The following STXBP5L variants were observed in gnomAD, a reference collection of about 807,000 sequenced individuals.
The protein encoded by STXBP5L is syntaxin-binding protein 5-like.
Under a neutral mutation model 144.5 loss-of-function variants are expected in STXBP5L, and 65 were observed. That is an observed-to-expected ratio of 0.45 (90% confidence interval 0.37 to 0.55). The LOEUF (loss-of-function observed/expected upper bound fraction) is 0.55, where lower values mean the gene tolerates loss of function less well. Ranked by LOEUF, STXBP5L falls within the 20% of genes least tolerant of loss-of-function variation. The pLI is 0.00. For synonymous variants in STXBP5L, 505 were observed against 469.6 expected, an observed-to-expected ratio of 1.08 and a Z score of -0.97; for missense variants, 1,298 against 1,405.5, an observed-to-expected ratio of 0.92 and a Z score of 1.22.
chr3:121,050,126 C>CTA (rs1947848696), intron 5 of STXBP5L, among the ~76,000 whole-genome samples: 1 of 152,140 alleles, frequency 6.6e-6, no homozygotes, highest in Non-Finnish European at 1.5e-5. Flanking sequence ...CCCCATGTTT[C>CTA]CACCTGGATG....
rs138957791 is a variant in STXBP5L, at chr3:121,088,044, C to T, written c.471-26881C>T. Among the ~76,000 whole-genome samples, 322 of 152,146 alleles carry T rather than the reference C, an allele frequency of 2.1e-3. 1 individual carries two copies. Among genetic ancestry groups the T allele is most frequent in the Non-Finnish European group, 4.0e-3 (273 of 67,994 alleles). On this transcript the variant is annotated intron_variant, in intron 5 of 26. Transcript: ENST00000471454. ...ACTATGTTATTTCAGCTTTAACCAT[C>T]AAATATAATTTAGAAGCTCCGGCAA...
rs1292490059 is a variant in STXBP5L at position 121,254,955 on chromosome 3, G to C, written c.1502G>C (p.Gly501Ala). The C allele has an allele frequency of 6.2e-7, 1 of 1,613,530 alleles. No individual in the cohort carries two copies. Among genetic ancestry groups the C allele is most frequent in the East Asian group, 2.2e-5 (1 of 44,736 alleles). ...AAAGTGTTTGAAAAACAGAAGGTAG[G>C]AGAAGGAAAACAAACATGTGAAATT... ...TSKVFEKQKV[G>A]EGKQTCEIVE... Residue 501 changes from glycine (G) to alanine (A), a missense_variant, in exon 16 of 27, where the codon GGA becomes GCA. By Grantham distance (60) the Gly-to-Ala change is moderately conservative. Transcript: ENST00000471454.
intron 19 of STXBP5L, among the ~76,000 whole-genome samples, chr3:121,311,657 G>T (rs1169553086): frequency 6.6e-6 from 1 of 152,100 alleles, no homozygotes; most frequent in Admixed American, 6.5e-5. Flanking sequence ...ACCTCTTCAA[G>T]GAGAACTACA....
At chr3:121,389,351 A>AT (rs1256203756) in intron 22 of STXBP5L, among the ~76,000 whole-genome samples, 1 of 151,988 alleles carries the variant, frequency 6.6e-6, no homozygotes, top group Non-Finnish European at 1.5e-5. Flanking sequence ...GGATTCATTG[A>AT]TTTTTTGAAA....
chr3:121,358,728 T>C (rs2045610750), intron 20 of STXBP5L, among the ~76,000 whole-genome samples: 2 of 152,204 alleles, frequency 1.3e-5, no homozygotes, highest in African/African-American at 4.8e-5. Context: ...ATCGCACAAA[T>C]AAGTGAGAAT....
At chr3:121,302,218 A>C (rs543223252) in intron 19 of STXBP5L, among the ~76,000 whole-genome samples, 1 of 152,270 alleles carries the variant, frequency 6.6e-6, no homozygotes, top group African/African-American at 2.4e-5. Context: ...CCTCAATTTC[A>C]GAGCCTGTTA....
intron 3 of STXBP5L, among the ~76,000 whole-genome samples, chr3:121,024,471 T>G (rs561004603): frequency 6.6e-6 from 1 of 152,264 alleles, no homozygotes; most frequent in South Asian, 2.1e-4. Context: ...GTGTTTGAAA[T>G]TCAAATACCT....
intron 18 of STXBP5L, among the ~76,000 whole-genome samples, chr3:121,263,762 C>T (rs745305760): frequency 5.3e-4 from 80 of 151,802 alleles, no homozygotes; most frequent in Non-Finnish European, 8.7e-4. Context: ...AGGATTAGAG[C>T]AAAAAGAATG....
At chr3:121,318,562 C>A in intron 20 of STXBP5L, 22 bp downstream of exon 20, 2 of 1,501,256 alleles carry the variant, frequency 1.3e-6, no homozygotes, top group Non-Finnish European at 1.8e-6. Context: ...TGGTATTTTG[C>A]AGACTTCTGG....
At chr3:121,230,790 C>T (rs889732855) in intron 11 of STXBP5L, among the ~76,000 whole-genome samples, 2 of 152,158 alleles carry the variant, frequency 1.3e-5, no homozygotes, top group African/African-American at 2.4e-5. Flanking sequence ...ATTCAAACTT[C>T]GTCACTGTTA....
In STXBP5L at chr3:121,198,420, C is replaced by G. The variant is rs558414500; in HGVS notation, c.878-7503C>G. On this transcript the variant is annotated intron_variant, in intron 9 of 26. Transcript: ENST00000471454. Reference sequence around the variant, plus strand: ...ATGGATAGCTTGTAAAAATTTTCTCCCATTCTGTTGGTTGCCTGTTCACTC... The same window carrying G: ...ATGGATAGCTTGTAAAAATTTTCTCGCATTCTGTTGGTTGCCTGTTCACTC... Among the ~76,000 whole-genome samples the G allele has an allele frequency of 2.0e-5, 3 of 152,066 alleles. No homozygotes were observed. The East Asian group carries it at 5.8e-4, about 29-fold the overall frequency.
At chr3:121,317,066 A>G (rs1010316419) in intron 19 of STXBP5L, among the ~76,000 whole-genome samples, 8 of 152,202 alleles carry the variant, frequency 5.3e-5, no homozygotes, top group African/African-American at 1.9e-4. Context: ...TAGGGTTAAG[A>G]CCGTGTTCGA....
chr3:121,019,486 A>C (rs900015137), intron 3 of STXBP5L, among the ~76,000 whole-genome samples: 1 of 152,144 alleles, frequency 6.6e-6, no homozygotes, highest in Non-Finnish European at 1.5e-5. Context: ...CACTTACCAA[A>C]AATACAACCA....
chr3:121,354,361 G>A (rs2045420253), intron 20 of STXBP5L, among the ~76,000 whole-genome samples: 1 of 152,060 alleles, frequency 6.6e-6, no homozygotes, highest in African/African-American at 2.4e-5. Flanking sequence ...GAATCTGGGT[G>A]CTCTTGTAGT....
intron 22 of STXBP5L, among the ~76,000 whole-genome samples, chr3:121,399,771 T>C (rs969484454): frequency 4.6e-5 from 7 of 152,184 alleles, no homozygotes; most frequent in African/African-American, 7.2e-5. Flanking sequence ...CCTTCCAGCG[T>C]GGGCGTTACG....
chr3:121,298,409 G>T (rs2051747760), intron 19 of STXBP5L, among the ~76,000 whole-genome samples: 1 of 152,084 alleles, frequency 6.6e-6, no homozygotes, highest in African/African-American at 2.4e-5. Context: ...TCATAACATT[G>T]GTCTTAGCAA....
chr3:121,188,250 A>G (rs186502146), intron 9 of STXBP5L, among the ~76,000 whole-genome samples: 2 of 152,352 alleles, frequency 1.3e-5, no homozygotes, highest in African/African-American at 2.4e-5. Context: ...TCAGCACCGC[A>G]TCACACTTAC....
intron 19 of STXBP5L, among the ~76,000 whole-genome samples, chr3:121,303,218 G>C (rs1329288945): frequency 6.6e-6 from 1 of 152,048 alleles, no homozygotes; most frequent in Non-Finnish European, 1.5e-5. Flanking sequence ...GTGGGCAAAG[G>C]ATATGAACAG....
At chr3:121,099,231 C>T (rs1307681341) in intron 5 of STXBP5L, 2 of 152,146 alleles carry the variant, frequency 1.3e-5, no homozygotes, top group Non-Finnish European at 2.9e-5. Context: ...TATCAGGGTT[C>T]AGTGAACTTT....
Sources: allele counts gnomAD v4.1 joint callset (sites outside exome capture counted in the v4.1 genomes callset), GRCh38; gene constraint gnomAD v4.1.1; transcripts MANE v1.5; gene names NCBI Gene and HGNC (gene_info 2026-07-23, HGNC 2026-07-21).